MAP2K6: variants seen among roughly 807,000 people sequenced by gnomAD.
The protein encoded by MAP2K6 is mitogen-activated protein kinase kinase 6.
MAP2K6 carries 16 observed loss-of-function variants against 53.7 expected under a neutral mutation model. That is an observed-to-expected ratio of 0.30 (90% CI 0.20 to 0.45). The LOEUF is 0.45. Ranked by LOEUF, MAP2K6 falls within the 20% of genes least tolerant of loss-of-function variation. The pLI is 1.00. For synonymous variants in MAP2K6, 132 were observed against 143.1 expected (o/e 0.92, Z 0.55); for missense variants, 204 against 411.9 (o/e 0.50, Z 4.37).
intron 1 of MAP2K6, among the ~76,000 whole-genome samples, chr17:69,446,410 A>T (rs906413397): frequency 2.0e-5 from 3 of 152,270 alleles, no homozygotes; most frequent in Non-Finnish European, 4.4e-5. Flanking sequence ...ATTAAGAATC[A>T]TGTTACTCAG....
intron 10 of MAP2K6, among the ~76,000 whole-genome samples, chr17:69,526,914 A>G (rs981519485): frequency 6.6e-6 from 1 of 152,318 alleles, no homozygotes; most frequent in South Asian, 2.1e-4. Context: ...AGTCTCATAA[A>G]TGAATAATTA....
chr17:69,463,616 C>CTA (rs1555603874), intron 1 of MAP2K6, among the ~76,000 whole-genome samples: 4 of 149,904 alleles, frequency 2.7e-5, no homozygotes, highest in African/African-American at 4.9e-5. Context: ...CTCTCTCTCT[C>CTA]TATATATATA....
At chr17:69,524,553 T>C (rs191566728) in intron 8 of MAP2K6, among the ~76,000 whole-genome samples, 1 of 152,076 alleles carries the variant, frequency 6.6e-6, no homozygotes, top group Non-Finnish European at 1.5e-5. Context: ...GTGACACTTG[T>C]TTTATTGAGT....
chr17:69,451,415 T>C (rs1598268382), intron 1 of MAP2K6, among the ~76,000 whole-genome samples: 2 of 152,310 alleles, frequency 1.3e-5, no homozygotes, highest in Admixed American at 1.3e-4. Context: ...CTAAAAATTA[T>C]TTTAGGACTC....
intron 1 of MAP2K6, among the ~76,000 whole-genome samples, chr17:69,484,864 G>T (rs1008359627): frequency 6.6e-6 from 1 of 152,096 alleles, no homozygotes; most frequent in African/African-American, 2.4e-5. Flanking sequence ...GAAATATCTA[G>T]AATAGGCAAA....
intron 1 of MAP2K6, among the ~76,000 whole-genome samples, chr17:69,503,041 A>G (rs911083130): frequency 6.6e-6 from 1 of 152,208 alleles, no homozygotes; most frequent in Admixed American, 6.5e-5. Flanking sequence ...ATTTAAGAGT[A>G]ACTTCTGCTT....
intron 1 of MAP2K6, among the ~76,000 whole-genome samples, chr17:69,428,829 A>G (rs1277527240): frequency 6.6e-6 from 1 of 150,552 alleles, no homozygotes; most frequent in Non-Finnish European, 1.5e-5. Flanking sequence ...CCTTGAACGG[A>G]CAGACTACCT....
chr17:69,481,761 C>T (rs917019084), intron 1 of MAP2K6, among the ~76,000 whole-genome samples: 1 of 152,086 alleles, frequency 6.6e-6, no homozygotes, highest in Non-Finnish European at 1.5e-5. Flanking sequence ...GAGAACCCAT[C>T]CTAAATACCA....
intron 1 of MAP2K6, among the ~76,000 whole-genome samples, chr17:69,474,281 ATAAAG>A (rs1172623533): frequency 3.9e-5 from 6 of 152,242 alleles, no homozygotes; most frequent in African/African-American, 1.4e-4. Context: ...GGAGAGTAAT[ATAAAG>A]TACTGATTGA....
chr17:69,455,218 AAACAAACACCC>A (rs1907365081), intron 1 of MAP2K6, among the ~76,000 whole-genome samples: 1 of 152,286 alleles, frequency 6.6e-6, no homozygotes, highest in East Asian at 1.9e-4. Flanking sequence ...CACTGCATGT[AAACAAACACCC>A]AACAAAAGTG....
At chr17:69,453,193 A>G (rs1907288847) in intron 1 of MAP2K6, among the ~76,000 whole-genome samples, 2 of 152,244 alleles carry the variant, frequency 1.3e-5, no homozygotes, top group Admixed American at 1.3e-4. Flanking sequence ...AATTCCTGGT[A>G]TGACAAACTA....
intron 1 of MAP2K6, among the ~76,000 whole-genome samples, chr17:69,495,009 AAAAAACC>A (rs991911578): frequency 1.3e-5 from 2 of 151,952 alleles, no homozygotes; most frequent in African/African-American, 4.8e-5. Flanking sequence ...CTGTCTAGAA[AAAAAACC>A]AAAAACCAAA....
At chr17:69,510,001 C>G (rs750174906) in intron 2 of MAP2K6, among the ~76,000 whole-genome samples, 1 of 152,038 alleles carries the variant, frequency 6.6e-6, no homozygotes, top group Non-Finnish European at 1.5e-5. Flanking sequence ...TGCCACCACA[C>G]GCGGCTAATT....
At chr17:69,521,284 G>A (rs17690945) in intron 7 of MAP2K6, 184 bp downstream of exon 7, 51,785 of 460,202 alleles carry the variant, frequency 0.11, 3,508 homozygotes, top group Non-Finnish European at 0.14. Context: ...CATGGCTGAG[G>A]ACATAAGAAG....
At position 69,552,485 on chromosome 17, in the gene MAP2K6, A is replaced by T. The variant is rs1912140806; in HGVS notation, c.*10732A>T. On this transcript the variant is annotated 3_prime_UTR_variant, in exon 12 of 12. Coordinates refer to ENST00000590474, the MANE Select transcript of MAP2K6 (RefSeq NM_002758.4). ...CGGATTGCCGCATTGTCTCTTTGTG[A>T]ATGAGGCAGGCTGAACTGTAGAGCA... 6.6e-6 allele frequency: 1 copy of T among 152,146 alleles called. No homozygotes were observed. The highest frequency in any genetic ancestry group is 6.6e-5 in the Admixed American group (1 of 15,256). 9.4% of individuals were successfully genotyped at this position (152,146 alleles called of 1,614,324 possible).
In MAP2K6 at chr17:69,485,644, T is replaced by C. The variant is rs1434898561; in HGVS notation, c.17-20136T>C. ...GTGCCTCTCACAGCTTCCCTTCACA[T>C]CAGATTTTTCTGTTTGTCACCCGCT... On this transcript the variant is annotated intron_variant, in intron 1 of 11. Coordinates refer to ENST00000590474, the MANE Select transcript of MAP2K6 (RefSeq NM_002758.4). Among the ~76,000 whole-genome samples, 6 of 152,262 alleles carry C rather than the reference T, an allele frequency of 3.9e-5. No homozygotes were observed. The South Asian group carries it at 1.2e-3, about 32-fold the overall frequency.
chr17:69,526,791 A>T lies in MAP2K6; in HGVS notation c.881+82A>T, dbSNP rs551012769. ...AATTTCTTCCATCGGGGTTGAATCC[A>T]TCATGCATACATTCATTCCGAAAGC... On this transcript the variant is annotated intron_variant, in intron 10 of 11. Coordinates refer to ENST00000590474, the MANE Select transcript of MAP2K6 (RefSeq NM_002758.4). 8.1e-6 allele frequency: 12 copies of T among 1,485,232 alleles called. No homozygotes were observed. The African/African-American group carries it at 1.7e-4, about 21-fold the overall frequency. The allele number at this position is 1,485,232 out of a possible 1,614,324, so 92.0% of individuals were successfully genotyped here.
At position 69,545,315 on chromosome 17, in the gene MAP2K6, G is replaced by A. The variant is rs953789294; in HGVS notation, c.*3562G>A. The stretch of plus-strand genomic sequence containing the variant: ...TATCAGGTCATCACGGATTTTGCAA[G>A]TGAAAGTCACCTATCTTCTATGATT... On this transcript the variant is annotated 3_prime_UTR_variant, in exon 12 of 12. Transcript: ENST00000590474. The A allele has an allele frequency of 1.4e-4, 22 of 152,186 alleles. No individual in the cohort carries two copies. Among genetic ancestry groups the A allele is most frequent in the African/African-American group, 5.3e-4 (22 of 41,444 alleles). The allele number at this position is 152,186 out of a possible 1,614,324, so 9.4% of individuals were successfully genotyped here.
At chr17:69,431,429 T>C (rs1293930852) in intron 1 of MAP2K6, among the ~76,000 whole-genome samples, 4 of 152,016 alleles carry the variant, frequency 2.6e-5, no homozygotes, top group Non-Finnish European at 5.9e-5. Flanking sequence ...ATGTAATAGG[T>C]TGTGAGGAGA....
Sources: gnomAD v4.1 joint callset for allele counts (sites outside exome capture counted in the v4.1 genomes callset) on GRCh38, gnomAD v4.1.1 for gene constraint, MANE v1.5 for transcripts, NCBI Gene and HGNC (gene_info 2026-07-23, HGNC 2026-07-21) for gene names.